Variants in ZNF705A observed in about 807,000 individuals in gnomAD.
The protein encoded by ZNF705A is zinc finger protein 705A.
Under a neutral mutation model 16.6 loss-of-function variants are expected in ZNF705A, and 8 were observed. The observed-to-expected ratio is 0.48, with a 90% confidence interval of 0.28 to 0.87. The LOEUF is 0.87. Among genes scored for constraint, ZNF705A ranks in the 40% least tolerant of loss-of-function variants. The pLI, the probability that ZNF705A is intolerant of heterozygous loss-of-function variation, is 0.10. For missense variants in ZNF705A, 233 were observed against 359.9 expected, an observed-to-expected ratio of 0.65 and a Z score of 2.85; for synonymous variants, 73 against 117.3, an observed-to-expected ratio of 0.62 and a Z score of 2.44.
chr12:8,165,166 G>T (rs960628151), intron 1 of ZNF705A, among the ~76,000 whole-genome samples: 1 of 151,872 alleles, frequency 6.6e-6, no homozygotes, highest in African/African-American at 2.4e-5. Context: ...GATATTTCAT[G>T]GTGGTTTTTA....
chr12:8,172,764 T>C, intron 1 of ZNF705A, 127 bp downstream of exon 2: 1 of 1,471,944 alleles, frequency 6.8e-7, no homozygotes, highest in South Asian at 1.2e-5. Flanking sequence ...TGATGTAAAA[T>C]CCACCTAGCC....
chr12:8,169,293 C>G (rs1203219444), upstream of ZNF705A, among the ~76,000 whole-genome samples: 2 of 152,178 alleles, frequency 1.3e-5, no homozygotes, highest in Non-Finnish European at 2.9e-5. Flanking sequence ...TCCACTTTCA[C>G]CATTCCTGAA....
At chr12:8,174,251 T>C in intron 1 of ZNF705A, 75 bp from the exon 3 acceptor site, 1 of 1,596,334 alleles carries the variant, frequency 6.3e-7, no homozygotes, top group Middle Eastern at 2.3e-4. Context: ...CTCCTAGCTA[T>C]GTCATCTCAG....
At chr12:8,163,895 C>A (rs1236245850) in intron 1 of ZNF705A, among the ~76,000 whole-genome samples, 1 of 152,188 alleles carries the variant, frequency 6.6e-6, no homozygotes, top group South Asian at 2.1e-4. Context: ...TTTTAACCAA[C>A]CCCCTTCTTG....
intron 1 of ZNF705A, among the ~76,000 whole-genome samples, chr12:8,167,163 A>G (rs377138358): frequency 4.8e-3 from 649 of 135,466 alleles, no homozygotes; most frequent in Middle Eastern, 0.011. Flanking sequence ...ATTTTAGAAT[A>G]TAGAGTCTCC....
chr12:8,175,634 T>A (rs537921411), intron 3 of ZNF705A, among the ~76,000 whole-genome samples: 20 of 152,208 alleles, frequency 1.3e-4, no homozygotes, highest in Non-Finnish European at 2.2e-4. Context: ...TTTACCTGCC[T>A]GATATCTCAT....
At chr12:8,160,983 A>G (rs1591620891) in intron 1 of ZNF705A, among the ~76,000 whole-genome samples, 1 of 152,126 alleles carries the variant, frequency 6.6e-6, no homozygotes, top group African/African-American at 2.4e-5. Flanking sequence ...GGCTTTTATT[A>G]CATTGAGGTA....
upstream of ZNF705A, chr12:8,172,504 T>C: frequency 2.2e-6 from 3 of 1,382,944 alleles, no homozygotes; most frequent in Non-Finnish European, 3.0e-6. Context: ...TCGGTTGATC[T>C]GAAAATTGTG....
intron 3 of ZNF705A, 69 bp downstream of exon 4, chr12:8,175,392 T>C: frequency 5.4e-6 from 6 of 1,114,224 alleles, no homozygotes; most frequent in South Asian, 1.3e-5. Flanking sequence ...AGTTGAATAT[T>C]AATTAGTGGT....
intron 1 of ZNF705A, among the ~76,000 whole-genome samples, chr12:8,166,733 G>A (rs1225959185): frequency 2.0e-5 from 3 of 152,234 alleles, no homozygotes; most frequent in Admixed American, 6.5e-5. Flanking sequence ...TAAAGCGGTG[G>A]CCCAAACTAT....
chr12:8,167,667 C>T (rs953735606), upstream of ZNF705A, among the ~76,000 whole-genome samples: 1 of 152,118 alleles, frequency 6.6e-6, no homozygotes, highest in African/African-American at 2.4e-5. Context: ...GTGAACTGGT[C>T]TCATTCCCTT....
intron 3 of ZNF705A, 70 bp from the exon 5 acceptor site, chr12:8,175,790 G>A: frequency 1.9e-6 from 3 of 1,605,164 alleles, no homozygotes; most frequent in Non-Finnish European, 2.6e-6. Flanking sequence ...AAGTAAATGG[G>A]CCTTGGGGCT....
At chr12:8,158,425 A>G (rs904016614) in intron 1 of ZNF705A, among the ~76,000 whole-genome samples, 10 of 152,052 alleles carry the variant, frequency 6.6e-5, no homozygotes, top group Non-Finnish European at 1.3e-4. Flanking sequence ...TTTGTTTAGC[A>G]TACTGTTTTT....
chr12:8,172,673 C>G (rs770460753), intron 1 of ZNF705A, 36 bp downstream of exon 2: 1 of 1,595,490 alleles, frequency 6.3e-7, no homozygotes. Context: ...TGAAATTATA[C>G]CCATATTGCT....
Position 8,177,503 on chromosome 12 carries a change from A to T in ZNF705A, c.823A>T (p.Lys275Ter). Reference sequence around the variant, plus strand: ...TCAAAGCTCTGGCTTTAGAGGAAACAAAATAATTCACACTGGAGAGAAACC... The same window carrying T: ...TCAAAGCTCTGGCTTTAGAGGAAACTAAATAATTCACACTGGAGAGAAACC... Residue 275 changes from lysine to a stop codon, truncating the protein, a stop_gained, in exon 5 of 5, where the codon AAA (lysine) becomes TAA (stop). Coordinates refer to ENST00000359286, the Ensembl canonical transcript of ZNF705A. LOFTEE classifies it low-confidence loss of function (END_TRUNC). The T allele has an allele frequency of 6.2e-7, 1 of 1,612,342 alleles. No individual in the cohort carries two copies. Among genetic ancestry groups the T allele is most frequent in the Non-Finnish European group, 8.5e-7 (1 of 1,179,956 alleles).
intron 1 of ZNF705A, among the ~76,000 whole-genome samples, chr12:8,165,450 ATT>A (rs57581482): frequency 0.053 from 4,371 of 81,828 alleles, 213 homozygotes; most frequent in African/African-American, 0.17. Context: ...GCCCAGCTAA[ATT>A]TTTTTTTTTT....
upstream of ZNF705A, among the ~76,000 whole-genome samples, chr12:8,171,005 C>G (rs1207787858): frequency 1.3e-5 from 2 of 152,104 alleles, no homozygotes; most frequent in Non-Finnish European, 2.9e-5. Context: ...CAAGAAGAGG[C>G]AGTGACAGGC....
In ZNF705A at chr12:8,166,432, TC is replaced by T. The variant is rs1278803302; in HGVS notation, c.-71-6120del. Among the ~76,000 whole-genome samples the T allele has an allele frequency of 2.6e-5, 4 of 152,182 alleles. No individual in the cohort carries two copies. In the East Asian group the frequency reaches 7.7e-4, roughly 29 times the overall value. On this transcript the variant is annotated intron_variant, in intron 1 of 5. Transcript: ENST00000396570. ...ATAACTGAATCATGGGGGCAGTTTT[TC>T]CCATGCTGTTCTCGTGGTAGTGAAT...
chr12:8,179,490 A>T (rs1449785154), exon 5 of ZNF705A: 12 of 152,226 alleles, frequency 7.9e-5, no homozygotes, highest in Non-Finnish European at 1.3e-4. Flanking sequence ...AAAACTCAAG[A>T]GAAAATGTTT....
Sources: gnomAD v4.1 joint callset for allele counts (sites outside exome capture counted in the v4.1 genomes callset) on GRCh38, gnomAD v4.1.1 for gene constraint, MANE v1.5 for transcripts, NCBI Gene and HGNC (gene_info 2026-07-23, HGNC 2026-07-21) for gene names.